Variants in CLASP2 observed in about 807,000 individuals in gnomAD.
CLASP2 encodes CLIP-associating protein 2.
CLASP2 carries 47 observed loss-of-function variants against 194.4 expected under a neutral mutation model. The ratio of observed to expected loss-of-function variants is 0.24; its 90% CI spans 0.19 to 0.31. The LOEUF is 0.31. Among genes scored for constraint, CLASP2 ranks in the 10% least tolerant of loss-of-function variants. The pLI, the probability that CLASP2 is intolerant of heterozygous loss-of-function variation, is 1.00. For synonymous variants in CLASP2, 619 were observed against 633.5 expected (o/e 0.98, Z 0.34); for missense variants, 1,445 against 1,823.6 (o/e 0.79, Z 3.78).
chr3:33,562,039 CTCT>C (rs1003776917), intron 27 of CLASP2, among the ~76,000 whole-genome samples: 22 of 152,104 alleles, frequency 1.4e-4, no homozygotes, highest in African/African-American at 4.6e-4. Flanking sequence ...TATAGATGAA[CTCT>C]TTTTTTTCTT....
chr3:33,557,603 TGTTTAGAGTTTATTATATATTATA>T (rs1279195925), intron 29 of CLASP2, among the ~76,000 whole-genome samples: 70 of 152,342 alleles, frequency 4.6e-4, no homozygotes, highest in African/African-American at 1.5e-3. Context: ...CTTTTATTAC[TGTTTAGAGTTTATTATATATTATA>T]GTTAATAATG....
At chr3:33,505,367 T>C (rs975641781) in intron 37 of CLASP2, 1 of 152,104 alleles carries the variant, frequency 6.6e-6, no homozygotes, top group Non-Finnish European at 1.5e-5. Flanking sequence ...CTACTGAGCA[T>C]GGGGGATGGT....
chr3:33,592,869 T>G (rs1167992941), intron 20 of CLASP2, among the ~76,000 whole-genome samples: 2 of 152,218 alleles, frequency 1.3e-5, no homozygotes, highest in Admixed American at 6.5e-5. Flanking sequence ...CCCTACAGTT[T>G]TAAATATAAG....
intron 34 of CLASP2, among the ~76,000 whole-genome samples, chr3:33,518,721 A>T (rs2052132879): frequency 6.6e-6 from 1 of 152,262 alleles, no homozygotes; most frequent in Non-Finnish European, 1.5e-5. Flanking sequence ...CACGGTAGTC[A>T]GTTATCTTTT....
intron 7 of CLASP2, among the ~76,000 whole-genome samples, chr3:33,650,688 A>C (rs1302826079): frequency 6.6e-6 from 1 of 152,034 alleles, no homozygotes; most frequent in Non-Finnish European, 1.5e-5. Flanking sequence ...GAACAATGGA[A>C]GAGATGGAGG....
intron 34 of CLASP2, among the ~76,000 whole-genome samples, chr3:33,532,798 G>A (rs1224532602): frequency 6.6e-6 from 1 of 152,150 alleles, no homozygotes; most frequent in Admixed American, 6.5e-5. Flanking sequence ...TGAACTCCAA[G>A]CCTCAAAGGA....
In CLASP2 at chr3:33,517,165, A is replaced by G. The variant is rs908164925; in HGVS notation, c.3797T>C (p.Leu1266Pro). 1 of 1,610,780 alleles carries G rather than the reference A, an allele frequency of 6.2e-7. No individual in the cohort carries two copies. Among genetic ancestry groups the G allele is most frequent in the African/African-American group, 1.3e-5 (1 of 74,860 alleles). Residue 1266 changes from leucine (L) to proline (P), a missense_variant, in exon 35 of 39, where the codon CTA becomes CCA. By Grantham distance (98) the Leu-to-Pro change is moderately conservative. Transcript: ENST00000682230. ...CTCTGCAACTAGGTCAGAATGATCT[A>G]GGGAAAGATCTGTCAAAAGGACATG... is the stretch of plus-strand genomic sequence containing the variant. ...DADQFPDDLSLDHSDLVAELL... is the reference protein window; with the variant it reads ...DADQFPDDLSPDHSDLVAELL...
intron 1 of CLASP2, among the ~76,000 whole-genome samples, chr3:33,699,128 G>C (rs560641281): frequency 1.3e-5 from 2 of 152,094 alleles, no homozygotes; most frequent in Non-Finnish European, 2.9e-5. Flanking sequence ...TTGATACAGA[G>C]AAGGAAAGAA....
intron 26 of CLASP2, among the ~76,000 whole-genome samples, chr3:33,568,771 T>C (rs112192764): frequency 0.014 from 2,054 of 152,130 alleles, 51 homozygotes; most frequent in African/African-American, 0.046. Flanking sequence ...GAGTCTGATA[T>C]AGAACAAAAT....
In CLASP2 at chr3:33,576,262, C is replaced by G; in HGVS notation, c.2361G>C (p.Gly787=). 1.9e-6 allele frequency: 3 copies of G among 1,613,094 alleles called. No homozygotes were observed. Among genetic ancestry groups the G allele is most frequent in the Middle Eastern group, 1.7e-4 (1 of 6,060 alleles). The change falls in exon 24 of 39, where the codon GGG becomes GGC. Residue 787 remains glycine (G), a synonymous_variant. Transcript: ENST00000682230. ...RSFQPLGPGY[G]ISQSSRLSSS... is the part of the protein sequence containing the mutation. ...ACGACAGTCGACTTGATTGGCTGATCCCATAACCTGGACCTAATTCATCAA... is the reference window on the plus strand; with the variant it reads ...ACGACAGTCGACTTGATTGGCTGATGCCATAACCTGGACCTAATTCATCAA...
chr3:33,516,742 TA>T (rs1254120107), intron 35 of CLASP2, among the ~76,000 whole-genome samples: 1 of 152,126 alleles, frequency 6.6e-6, no homozygotes, highest in African/African-American at 2.4e-5. Flanking sequence ...GTAAAACAAG[TA>T]ACATGTACTT....
intron 8 of CLASP2, among the ~76,000 whole-genome samples, chr3:33,642,867 C>T (rs1370203051): frequency 1.3e-5 from 2 of 150,954 alleles, no homozygotes; most frequent in Non-Finnish European, 3.0e-5. Flanking sequence ...CAAGAATATA[C>T]CTGCAATTGC....
chr3:33,561,868 A>G (rs1475425032), intron 27 of CLASP2, among the ~76,000 whole-genome samples: 2 of 152,142 alleles, frequency 1.3e-5, no homozygotes, highest in African/African-American at 2.4e-5. Flanking sequence ...TTACTGGACA[A>G]ATCATAATAA....
chr3:33,616,865 G>A (rs556305096), intron 12 of CLASP2, among the ~76,000 whole-genome samples: 1 of 150,570 alleles, frequency 6.6e-6, no homozygotes, highest in South Asian at 2.1e-4. Context: ...AGCCTCCAGA[G>A]TAGCTGGGAT....
intron 34 of CLASP2, among the ~76,000 whole-genome samples, chr3:33,526,042 T>C (rs1430157449): frequency 6.6e-6 from 1 of 151,038 alleles, no homozygotes; most frequent in Admixed American, 6.6e-5. Flanking sequence ...GCATAGCTGC[T>C]CCACCAAAGC....
chr3:33,520,996 T>C (rs2052902718), intron 34 of CLASP2, among the ~76,000 whole-genome samples: 1 of 152,026 alleles, frequency 6.6e-6, no homozygotes, highest in Admixed American at 6.6e-5. Flanking sequence ...GAAGAAATGA[T>C]TGATTCCAGG....
Position 33,621,831 on chromosome 3 carries a change from T to C in CLASP2, c.1181+304A>G, listed in dbSNP as rs146623846. ...ATACCCAAATTAGTAGTGAGAAAAG[T>C]GAATACAGCCAGTTTCCAGACCCAT... On this transcript the variant is annotated intron_variant, in intron 11 of 38. Transcript: ENST00000682230. Among the ~76,000 whole-genome samples, 5 of 152,268 alleles carry C rather than the reference T, an allele frequency of 3.3e-5. No individual in the cohort carries two copies. In the East Asian group the frequency reaches 9.6e-4, roughly 29 times the overall value.
chr3:33,708,064 A>G lies in CLASP2; in HGVS notation c.195+9744T>C, dbSNP rs147169848. Among the ~76,000 whole-genome samples the G allele has an allele frequency of 1.8e-3, 268 of 152,236 alleles. 1 individual carries two copies. The highest frequency in any genetic ancestry group is 6.2e-3 in the African/African-American group (258 of 41,538). On this transcript the variant is annotated intron_variant, in intron 1 of 38. Coordinates refer to ENST00000682230, the MANE Select transcript of CLASP2 (RefSeq NM_001365631.1). ...TATCACTAGGGGCTCCTCCTTCCCCATCTGTTTTGTGGTGAGAACGTGACA... is the reference window on the plus strand; with the variant it reads ...TATCACTAGGGGCTCCTCCTTCCCCGTCTGTTTTGTGGTGAGAACGTGACA...
At chr3:33,717,556 A>G (rs1323746976) in intron 1 of CLASP2, among the ~76,000 whole-genome samples, 8 of 151,930 alleles carry the variant, frequency 5.3e-5, no homozygotes, top group Non-Finnish European at 7.4e-5. Flanking sequence ...CCTCCTGGGT[A>G]GCTGGGATTA....
Sources: gnomAD v4.1 joint callset for allele counts (sites outside exome capture counted in the v4.1 genomes callset) on GRCh38, gnomAD v4.1.1 for gene constraint, MANE v1.5 for transcripts, NCBI Gene and HGNC (gene_info 2026-07-23, HGNC 2026-07-21) for gene names.